Variants in SEC16B observed in about 807,000 individuals in gnomAD.
SEC16B encodes SEC16 homolog B, endoplasmic reticulum export factor, also known as protein transport protein Sec16B.
A neutral mutation model predicts 141.8 loss-of-function variants in SEC16B; 115 were observed. The ratio of observed to expected loss-of-function variants is 0.81; its 90% confidence interval spans 0.70 to 0.95. SEC16B has a LOEUF of 0.95. SEC16B is among the 40% of genes least tolerant of loss of function. The pLI is 0.00. For synonymous variants in SEC16B, 493 were observed against 492.5 expected, an observed-to-expected ratio of 1.00 and a Z score of -0.01; for missense variants, 1,291 against 1,312.3, an observed-to-expected ratio of 0.98 and a Z score of 0.25.
intron 8 of SEC16B, 51 bp from the exon 9 acceptor site, chr1:177,959,026 TG>T (rs1363016061): frequency 6.3e-7 from 1 of 1,576,334 alleles, no homozygotes; most frequent in Admixed American, 1.8e-5. Flanking sequence ...GACACTTCCC[TG>T]TTTCGGACCC....
intron 25 of SEC16B, 104 bp downstream of exon 25, chr1:177,930,441 A>T: frequency 1.3e-6 from 1 of 741,638 alleles, no homozygotes; most frequent in Non-Finnish European, 2.3e-6. Context: ...ATAATTGCTC[A>T]AGAACTCACA....
intron 24 of SEC16B, among the ~76,000 whole-genome samples, chr1:177,930,969 G>A (rs1035157717): frequency 2.0e-5 from 3 of 152,128 alleles, no homozygotes; most frequent in Admixed American, 6.5e-5. Context: ...CTTATACACC[G>A]CTGGTGGGAA....
chr1:177,975,396 A>G (rs1385250805), intron 1 of SEC16B, among the ~76,000 whole-genome samples: 1 of 152,214 alleles, frequency 6.6e-6, no homozygotes, highest in East Asian at 1.9e-4. Context: ...TAGCCTGAGT[A>G]TAGAATTAAA....
At chr1:177,946,057 A>G in intron 14 of SEC16B, 1 of 511,136 alleles carries the variant, frequency 2.0e-6, no homozygotes, top group South Asian at 2.9e-5. Context: ...GAACAGGCCC[A>G]GGGCTGCCTA....
chr1:177,944,159 G>T (rs1445568700), intron 15 of SEC16B, among the ~76,000 whole-genome samples: 1 of 152,216 alleles, frequency 6.6e-6, no homozygotes, highest in Non-Finnish European at 1.5e-5. Context: ...GGAGCAGAGG[G>T]AGGGTGAGCA....
intron 5 of SEC16B, among the ~76,000 whole-genome samples, 184 bp from the exon 6 acceptor site, chr1:177,961,918 T>C (rs1186847647): frequency 6.6e-6 from 1 of 152,108 alleles, no homozygotes; most frequent in East Asian, 1.9e-4. Context: ...AGTGCAGGCC[T>C]TGGGGTCAGG....
chr1:177,951,199 T>C (rs1015142649), intron 12 of SEC16B, among the ~76,000 whole-genome samples: 2 of 152,186 alleles, frequency 1.3e-5, no homozygotes, highest in Non-Finnish European at 2.9e-5. Flanking sequence ...TATTGAAGGA[T>C]ATAATCCAAG....
chr1:177,965,889 A>G lies in SEC16B; in HGVS notation c.412+4T>C, dbSNP rs376447298. ...CCAGAGGCTTCTTGGAGACTTTTCC[A>G]TACCTCTTTCTTCCTGCAGCCACTG... On this transcript the variant is annotated splice_donor_region_variant and intron_variant, in intron 3 of 25. Coordinates refer to ENST00000308284, the MANE Select transcript of SEC16B (RefSeq NM_033127.4). 1.8e-5 allele frequency: 28 copies of G among 1,558,004 alleles called. No homozygotes were observed. The highest frequency in any genetic ancestry group is 5.4e-5 in the African/African-American group (4 of 73,952).
intron 1 of SEC16B, among the ~76,000 whole-genome samples, chr1:177,978,682 C>T (rs1654276295): frequency 6.7e-6 from 1 of 149,982 alleles, no homozygotes; most frequent in Admixed American, 6.8e-5. Context: ...GCCTGGGTGA[C>T]AAAGTAAGAC....
Position 177,958,990 on chromosome 1 carries a change from T to A in SEC16B, c.999-15A>T, listed in dbSNP as rs1206257904. 4 of 1,609,182 alleles carry A rather than the reference T, an allele frequency of 2.5e-6. No homozygotes were observed. Among genetic ancestry groups the A allele is most frequent in the Non-Finnish European group, 3.4e-6 (4 of 1,178,088 alleles). On this transcript the variant is annotated splice_polypyrimidine_tract_variant and intron_variant, in intron 8 of 25. Transcript: ENST00000308284. ...GTACATCTTCCCTACATGGAAAAAA[T>A]TTAGGGAGCAAAGAGTGAGCAGGCA...
intron 13 of SEC16B, 27 bp from the exon 14 acceptor site, chr1:177,946,558 A>C: frequency 6.6e-7 from 1 of 1,516,636 alleles, no homozygotes; most frequent in Non-Finnish European, 9.0e-7. Context: ...ACAAGACCCA[A>C]TCACGGAGCA....
At position 177,930,525 on chromosome 1, in the gene SEC16B, C is replaced by T. The variant is rs1458548334; in HGVS notation, c.3111+20G>A. 2 of 1,584,542 alleles carry T rather than the reference C, an allele frequency of 1.3e-6. No homozygotes were observed. Among genetic ancestry groups the T allele is most frequent in the Admixed American group, 1.7e-5 (1 of 59,702 alleles). ...AAACCTGTACTCCTGGCCAGCCCCT[C>T]CCCCTGAGGGCTTCCTTACCTGAGG... On this transcript the variant is annotated intron_variant, in intron 25 of 25. Transcript: ENST00000308284.
intron 8 of SEC16B, 91 bp from the exon 9 acceptor site, chr1:177,959,066 G>T: frequency 7.3e-7 from 1 of 1,362,672 alleles, no homozygotes; most frequent in Non-Finnish European, 1.0e-6. Context: ...GCAAGTGCTG[G>T]CTGGGCTGTG....
rs757116533 is a variant in SEC16B at position 177,944,793 on chromosome 1, G to A, written c.1776-127C>T. ...GTTTCCATCCTGGGCTGATGCCTGC[G>A]GCGGCTTCAAGAGAAGAAGGAGACT... On this transcript the variant is annotated intron_variant, in intron 14 of 25. Transcript: ENST00000308284. 3.4e-4 allele frequency: 237 copies of A among 687,678 alleles called. 2 individuals carry two copies. In the South Asian group the frequency reaches 4.2e-3, roughly 12 times the overall value. The allele number at this position is 687,678 out of a possible 1,614,324, so 42.6% of individuals were successfully genotyped here. A position where few individuals can be genotyped will look rare whatever the true frequency, so the allele number is the denominator to read the frequency against.
At chr1:177,939,551 G>T in intron 18 of SEC16B, 151 bp downstream of exon 18, 1 of 665,440 alleles carries the variant, frequency 1.5e-6, no homozygotes, top group Non-Finnish European at 2.7e-6. Flanking sequence ...GGAGCTGGGT[G>T]GAGAAGGCGC....
chr1:177,952,913 G>A (rs1040765121), intron 11 of SEC16B, among the ~76,000 whole-genome samples: 4 of 152,016 alleles, frequency 2.6e-5, no homozygotes, highest in Admixed American at 1.3e-4. Context: ...GGGTGGAGTC[G>A]TCATGAGACT....
chr1:177,936,132 G>A (rs1006242462), intron 20 of SEC16B, among the ~76,000 whole-genome samples, 166 bp downstream of exon 20: 5 of 152,130 alleles, frequency 3.3e-5, no homozygotes, highest in South Asian at 2.1e-4. Context: ...ACAGCCTCCC[G>A]CCCAGCTCCC....
intron 12 of SEC16B, among the ~76,000 whole-genome samples, chr1:177,949,774 T>C (rs957687726): frequency 6.6e-6 from 1 of 152,204 alleles, no homozygotes; most frequent in African/African-American, 2.4e-5. Context: ...TGTGTTGTCC[T>C]GTTGCCATGC....
upstream of SEC16B, among the ~76,000 whole-genome samples, chr1:177,972,238 C>A (rs1653991071): frequency 6.6e-6 from 1 of 152,238 alleles, no homozygotes; most frequent in Admixed American, 6.5e-5. Context: ...ATATGGCATA[C>A]AACAGTTATA....
Sources: allele counts gnomAD v4.1 joint callset (sites outside exome capture counted in the v4.1 genomes callset), GRCh38; gene constraint gnomAD v4.1.1; transcripts MANE v1.5; gene names NCBI Gene and HGNC (gene_info 2026-07-23, HGNC 2026-07-21).